LAMP3: variants seen among roughly 807,000 people sequenced by gnomAD.
LAMP3 encodes the protein lysosome-associated membrane glycoprotein 3.
LAMP3 carries 26 observed loss-of-function variants against 34.8 expected under a neutral mutation model. The ratio of observed to expected loss-of-function variants is 0.75; its 90% confidence interval spans 0.55 to 1.04. LAMP3 has a LOEUF of 1.04. Among genes scored for constraint, LAMP3 ranks in the 50% least tolerant of loss-of-function variants. The probability of loss-of-function intolerance (pLI) is 0.00; values close to 1 mark genes in which losing one functional copy is unlikely to be tolerated. For synonymous variants in LAMP3, 180 were observed against 201.9 expected (o/e 0.89, Z 0.92); for missense variants, 495 against 524.0 (o/e 0.94, Z 0.54).
At chr3:183,139,219 G>A (rs765023280) in intron 4 of LAMP3, among the ~76,000 whole-genome samples, 6 of 151,860 alleles carry the variant, frequency 4.0e-5, no homozygotes, top group Non-Finnish European at 7.4e-5. Context: ...GAGAAACCCC[G>A]TCTCTACTAA....
intron 5 of LAMP3, among the ~76,000 whole-genome samples, chr3:183,133,621 G>A (rs776461841): frequency 1.6e-4 from 24 of 152,230 alleles, no homozygotes; most frequent in Non-Finnish European, 3.2e-4. Flanking sequence ...CTCCCAAAGT[G>A]CTGGGATTAC....
At chr3:183,126,271 C>T (rs777106979) in intron 5 of LAMP3, among the ~76,000 whole-genome samples, 27 of 151,516 alleles carry the variant, frequency 1.8e-4, no homozygotes, top group Non-Finnish European at 3.1e-4. Context: ...CCTTAAGCTC[C>T]GTGAAGTATC....
chr3:183,157,788 T>C (rs962499859), intron 1 of LAMP3, among the ~76,000 whole-genome samples: 1 of 152,056 alleles, frequency 6.6e-6, no homozygotes, highest in African/African-American at 2.4e-5. Flanking sequence ...ACTAGAACTC[T>C]TCTCTCAGTG....
At chr3:183,149,488 T>C (rs1720547093) in intron 3 of LAMP3, among the ~76,000 whole-genome samples, 1 of 138,890 alleles carries the variant, frequency 7.2e-6, no homozygotes, top group South Asian at 2.3e-4. Context: ...GAGGTTGCAG[T>C]GAGCCGAGAT....
chr3:183,135,896 G>A lies in LAMP3; in HGVS notation c.947-9C>T, dbSNP rs1359220517. 2 of 1,609,828 alleles carry A rather than the reference G, an allele frequency of 1.2e-6. No homozygotes were observed. Among genetic ancestry groups the A allele is most frequent in the African/African-American group, 2.7e-5 (2 of 74,982 alleles). ...TCCTTGGTAAATTGTCTCTGAAAAG[G>A]TGACAGATAGATGCATAAGAGTCCT... On this transcript the variant is annotated splice_polypyrimidine_tract_variant and intron_variant, in intron 4 of 5. Coordinates refer to ENST00000265598, the MANE Select transcript of LAMP3 (RefSeq NM_014398.4).
chr3:183,152,257 C>G (rs1423553315), intron 3 of LAMP3, 118 bp downstream of exon 3: 3 of 1,152,010 alleles, frequency 2.6e-6, no homozygotes, highest in Non-Finnish European at 3.6e-6. Context: ...CCCCAAACCC[C>G]TCATTCTTAT....
chr3:183,139,377 G>A (rs962333137), intron 4 of LAMP3, among the ~76,000 whole-genome samples: 4 of 144,698 alleles, frequency 2.8e-5, no homozygotes, highest in South Asian at 2.2e-4. Context: ...GCGACAGAGC[G>A]AGACTGTCTC....
intron 3 of LAMP3, among the ~76,000 whole-genome samples, chr3:183,151,424 CTT>C (rs1303908629): frequency 2.5e-4 from 32 of 130,012 alleles, no homozygotes; most frequent in African/African-American, 3.8e-4. Context: ...GGGGCATGCT[CTT>C]TTTTTTTTTT....
intron 5 of LAMP3, chr3:183,132,601 A>G (rs1030734798): frequency 3.3e-5 from 33 of 985,278 alleles, no homozygotes; most frequent in Non-Finnish European, 3.7e-5. Flanking sequence ...GAGGGCATCA[A>G]GCACACCTGG....
chr3:183,154,004 C>G lies in LAMP3; in HGVS notation c.437G>C (p.Gly146Ala). The G allele has an allele frequency of 6.2e-7, 1 of 1,614,020 alleles. No homozygotes were observed. The highest frequency in any genetic ancestry group is 1.1e-5 in the South Asian group (1 of 91,082). Residue 146 changes from glycine to alanine, a missense_variant, in exon 2 of 6, where the codon GGA becomes GCA. Transcript: ENST00000265598. Reference protein sequence around the residue: ...PTITPPAHTTGTSSSTVSHTT... With the variant: ...PTITPPAHTTATSSSTVSHTT... ...GTGGCTGACGGTTGATGAACTGGTT[C>G]CAGTTGTATGAGCTGGTGGGGTGAT... is the stretch of plus-strand genomic sequence containing the variant.
intron 3 of LAMP3, among the ~76,000 whole-genome samples, chr3:183,147,541 T>G (rs1720484498): frequency 6.6e-6 from 1 of 152,352 alleles, no homozygotes; most frequent in Admixed American, 6.5e-5. Flanking sequence ...CTTTAATTTT[T>G]GATGAAGACA....
intron 5 of LAMP3, among the ~76,000 whole-genome samples, chr3:183,135,243 G>A (rs1720046501): frequency 6.6e-6 from 1 of 152,216 alleles, no homozygotes; most frequent in African/African-American, 2.4e-5. Context: ...GCTTGTAATT[G>A]AGATGAGGGG....
intron 1 of LAMP3, among the ~76,000 whole-genome samples, chr3:183,162,202 T>C (rs1720999262): frequency 6.9e-6 from 1 of 145,676 alleles, no homozygotes; most frequent in Non-Finnish European, 1.5e-5. Context: ...AAAAAAAAAG[T>C]CTTTGACACT....
chr3:183,153,869 G>A lies in LAMP3; in HGVS notation c.572C>T (p.Ala191Val). 6.2e-7 allele frequency: 1 copy of A among 1,613,594 alleles called. No homozygotes were observed. Among genetic ancestry groups the A allele is most frequent in the Non-Finnish European group, 8.5e-7 (1 of 1,179,632 alleles). The change falls in exon 2 of 6, where the codon GCC (alanine) becomes GTC (valine). Residue 191 changes from alanine to valine, a missense_variant. Physicochemically the swap from Ala to Val is moderately conservative, Grantham distance 64 (BLOSUM62 0). Transcript: ENST00000265598. ...TGQKPVQPTH[A>V]PGTTAAAHNT... Reference sequence around the variant, plus strand: ...GTGGGCAGCTGCCGTTGTTCCTGGGGCATGGGTGGGTTGAACAGGCTTCTG... The same window carrying A: ...GTGGGCAGCTGCCGTTGTTCCTGGGACATGGGTGGGTTGAACAGGCTTCTG...
intron 3 of LAMP3, among the ~76,000 whole-genome samples, chr3:183,151,182 C>G (rs1279670187): frequency 6.6e-6 from 1 of 152,198 alleles, no homozygotes; most frequent in African/African-American, 2.4e-5. Context: ...GATTGGGAAA[C>G]AAGCCCCAAC....
At chr3:183,162,902 C>T, upstream of LAMP3, 1 of 490,546 alleles carries the variant, frequency 2.0e-6, no homozygotes, top group Non-Finnish European at 3.6e-6. Flanking sequence ...GTTTACCGCA[C>T]GCGCGTGGTC....
At chr3:183,136,788 C>T (rs1720110652) in intron 4 of LAMP3, among the ~76,000 whole-genome samples, 1 of 152,118 alleles carries the variant, frequency 6.6e-6, no homozygotes, top group African/African-American at 2.4e-5. Context: ...CTGGCCCTCT[C>T]TTATGAAAGG....
intron 5 of LAMP3, among the ~76,000 whole-genome samples, chr3:183,134,122 A>T (rs1377164122): frequency 6.6e-6 from 1 of 152,182 alleles, no homozygotes; most frequent in Non-Finnish European, 1.5e-5. Flanking sequence ...GAGCATCTTT[A>T]GTGAAATTTG....
At chr3:183,139,729 C>T (rs113774421) in intron 4 of LAMP3, among the ~76,000 whole-genome samples, 87 of 152,172 alleles carry the variant, frequency 5.7e-4, no homozygotes, top group African/African-American at 1.8e-3. Context: ...AAAGTGAAAC[C>T]GCGAATAAGG....
Sources: gnomAD v4.1 joint callset for allele counts (sites outside exome capture counted in the v4.1 genomes callset) on GRCh38, gnomAD v4.1.1 for gene constraint, MANE v1.5 for transcripts, NCBI Gene and HGNC (gene_info 2026-07-23, HGNC 2026-07-21) for gene names.